The following FGD4 variants were observed in gnomAD, a reference collection of about 807,000 sequenced individuals.
FGD4 encodes FYVE, RhoGEF and PH domain-containing protein 4.
In FGD4, 42 loss-of-function variants were observed where a neutral mutation model predicts 102.0. That is an observed-to-expected ratio of 0.41 (90% CI 0.32 to 0.53). The LOEUF (loss-of-function observed/expected upper bound fraction) is 0.53. FGD4 is among the 20% of genes least tolerant of loss of function. The pLI is 0.21. For synonymous variants in FGD4, 380 were observed against 375.7 expected (o/e 1.01, Z -0.13); for missense variants, 902 against 1,078.2 (o/e 0.84, Z 2.29).
chr12:32,526,656 A>T (rs1941249078), intron 1 of FGD4, among the ~76,000 whole-genome samples: 1 of 152,106 alleles, frequency 6.6e-6, no homozygotes, highest in South Asian at 2.1e-4. Context: ...ACACTGTGGG[A>T]GCTTTGTTCT....
At chr12:32,618,978 G>A (rs10844259) in intron 10 of FGD4, among the ~76,000 whole-genome samples, 47,869 of 151,946 alleles carry the variant, frequency 0.32, 7,643 homozygotes, top group South Asian at 0.41. Flanking sequence ...AAATATTACT[G>A]TCTTCTAACA....
At chr12:32,482,703 A>T (rs982160625) in intron 1 of FGD4, among the ~76,000 whole-genome samples, 7 of 152,298 alleles carry the variant, frequency 4.6e-5, no homozygotes, top group African/African-American at 1.7e-4. Context: ...AGGCATAAAA[A>T]TTTTTAAGTT....
chr12:32,642,971 T>C lies in FGD4; in HGVS notation c.*2438T>C, dbSNP rs1951237235. The stretch of plus-strand genomic sequence containing the variant: ...GAGCAGTCATGACAACCTAAAAATA[T>C]CATTGGTTGCTTTCCCATTAAAACC... On this transcript the variant is annotated 3_prime_UTR_variant, in exon 17 of 17. Transcript: ENST00000534526. The C allele has an allele frequency of 6.6e-6, 1 of 152,508 alleles. No homozygotes were observed. The highest frequency in any genetic ancestry group is 1.5e-5 in the Non-Finnish European group (1 of 67,952). 9.4% of individuals were successfully genotyped at this position (152,508 alleles called of 1,614,324 possible).
At chr12:32,541,246 A>G (rs549666154) in intron 1 of FGD4, among the ~76,000 whole-genome samples, 1 of 152,300 alleles carries the variant, frequency 6.6e-6, no homozygotes, top group South Asian at 2.1e-4. Context: ...ACACAATGCT[A>G]TTGTGCTCTG....
In FGD4 at chr12:32,624,428, G is replaced by T. The variant is rs11052110; in HGVS notation, c.1929G>T (p.Ala643=). The change falls in exon 12 of 17, where the codon GCG becomes GCT. Residue 643 remains alanine, a synonymous_variant. Coordinates refer to ENST00000534526, the MANE Select transcript of FGD4 (RefSeq NM_001370298.3). The part of the protein sequence containing the change: ...ERTLELQASS[A]QDKEEWIKAL... ...TAATTTTGTTTTATTTTAGTTCTGC[G>T]CAAGACAAAGAAGAATGGATCAAGG... The T allele has an allele frequency of 2.5e-6, 4 of 1,596,664 alleles. No homozygotes were observed. Among genetic ancestry groups the T allele is most frequent in the Admixed American group, 3.4e-5 (2 of 59,518 alleles).
intron 1 of FGD4, among the ~76,000 whole-genome samples, chr12:32,453,216 A>C (rs1192921791): frequency 2.0e-5 from 1 of 49,324 alleles, no homozygotes; most frequent in Non-Finnish European, 4.5e-5. Flanking sequence ...ATATATATAT[A>C]TATAATATAG....
chr12:32,428,844 A>G (rs2651379), intron 1 of FGD4, among the ~76,000 whole-genome samples: 60,491 of 152,010 alleles, frequency 0.4, 12,686 homozygotes, highest in African/African-American at 0.52. Flanking sequence ...TATGCTTCAC[A>G]AAGTTCTCAT....
At chr12:32,404,086 C>CTT (rs35761761) in intron 1 of FGD4, among the ~76,000 whole-genome samples, 4,296 of 145,184 alleles carry the variant, frequency 0.03, 226 homozygotes, top group African/African-American at 0.1. Context: ...GTTTTGGGTT[C>CTT]TTTTTTTTTT....
intron 1 of FGD4, among the ~76,000 whole-genome samples, chr12:32,556,402 A>G (rs1488265044): frequency 6.6e-6 from 1 of 152,148 alleles, no homozygotes; most frequent in East Asian, 1.9e-4. Flanking sequence ...CCACTAAACA[A>G]TAACTCCCTT....
intron 1 of FGD4, among the ~76,000 whole-genome samples, chr12:32,560,988 A>G (rs952063906): frequency 2.0e-5 from 3 of 150,382 alleles, no homozygotes; most frequent in Non-Finnish European, 2.9e-5. Flanking sequence ...GGAACTCTTG[A>G]TATTTTCCAA....
intron 1 of FGD4, among the ~76,000 whole-genome samples, chr12:32,473,332 G>A (rs1322049392): frequency 3.3e-5 from 5 of 150,788 alleles, no homozygotes; most frequent in African/African-American, 1.2e-4. Context: ...TTGGGTCCAT[G>A]CTGCTTTTAT....
rs376010279 is a variant in FGD4, at chr12:32,462,800, G to A, written c.166+62841G>A. Among the ~76,000 whole-genome samples, 6 of 152,258 alleles carry A rather than the reference G, an allele frequency of 3.9e-5. No homozygotes were observed. In the South Asian group the frequency reaches 1.2e-3, roughly 32 times the overall value. On this transcript the variant is annotated intron_variant, in intron 1 of 16. Coordinates refer to ENST00000534526, the MANE Select transcript of FGD4 (RefSeq NM_001370298.3). ...TGATGCTTAAAATAGTGCTTTCAGG[G>A]CAGTGAAATTTTCATCAGCTCACCC...
rs369662330 is a variant in FGD4, at chr12:32,514,070, T to C, written c.167-50067T>C. Among the ~76,000 whole-genome samples, 11 of 152,246 alleles carry C rather than the reference T, an allele frequency of 7.2e-5. No individual in the cohort carries two copies. In the South Asian group the frequency reaches 8.3e-4, roughly 11 times the overall value. ...CATCACACTTCAAATTCTATACCTC[T>C]CTACCATTTAAAATTAATTGTTGCC... is the stretch of plus-strand genomic sequence containing the variant. On this transcript the variant is annotated intron_variant, in intron 1 of 16. Coordinates refer to ENST00000534526, the MANE Select transcript of FGD4 (RefSeq NM_001370298.3).
chr12:32,477,724 C>A (rs1465154221), intron 1 of FGD4, among the ~76,000 whole-genome samples: 2 of 152,168 alleles, frequency 1.3e-5, no homozygotes, highest in Non-Finnish European at 2.9e-5. Context: ...CAAAATAGAA[C>A]CAGATGCTCT....
rs1378832511 is a variant in FGD4 at position 32,486,086 on chromosome 12, G to T, written c.167-78051G>T. 8.5e-6 allele frequency: 13 copies of T among 1,524,582 alleles called. 1 individual carries two copies. The highest frequency in any genetic ancestry group is 1.7e-4 in the Middle Eastern group (1 of 5,754). 94.4% of individuals were successfully genotyped at this position (1,524,582 alleles called of 1,614,324 possible). On this transcript the variant is annotated intron_variant, in intron 1 of 16. Transcript: ENST00000534526. ...ATCCAAATCCTTGCTCCAGAAGCAGGAAATAGGTTAATCAGAAGATTGCTG... is the reference window on the plus strand; with the variant it reads ...ATCCAAATCCTTGCTCCAGAAGCAGTAAATAGGTTAATCAGAAGATTGCTG...
intron 1 of FGD4, among the ~76,000 whole-genome samples, chr12:32,504,826 C>G (rs2136638701): frequency 6.6e-6 from 1 of 152,324 alleles, no homozygotes; most frequent in Middle Eastern, 3.4e-3. Context: ...GCAGTCAAGT[C>G]TTTCTGCTCC....
intron 1 of FGD4, among the ~76,000 whole-genome samples, chr12:32,431,048 A>G (rs1408270503): frequency 6.6e-6 from 1 of 152,242 alleles, no homozygotes; most frequent in Non-Finnish European, 1.5e-5. Flanking sequence ...TTGGAACTGA[A>G]TGAACAACTG....
chr12:32,604,589 A>C (rs922457640), intron 7 of FGD4, among the ~76,000 whole-genome samples: 1 of 152,200 alleles, frequency 6.6e-6, no homozygotes, highest in African/African-American at 2.4e-5. Flanking sequence ...ACTTCTGGCT[A>C]GTAGAGTTAT....
intron 4 of FGD4, among the ~76,000 whole-genome samples, chr12:32,585,777 T>C (rs955826568): frequency 3.7e-4 from 50 of 136,424 alleles, no homozygotes; most frequent in African/African-American, 1.4e-3. Flanking sequence ...GAGGCAGCAG[T>C]GAGCTATGAT....
Sources: gnomAD v4.1 joint callset for allele counts (sites outside exome capture counted in the v4.1 genomes callset) on GRCh38, gnomAD v4.1.1 for gene constraint, MANE v1.5 for transcripts, NCBI Gene and HGNC (gene_info 2026-07-23, HGNC 2026-07-21) for gene names.